ARSG: variants seen among roughly 807,000 people sequenced by gnomAD.
ARSG encodes ASG.
ARSG carries 37 observed loss-of-function variants against 50.5 expected under a neutral mutation model. The observed-to-expected ratio is 0.73, with a 90% CI of 0.56 to 0.96. ARSG has a LOEUF of 0.96. Ranked by LOEUF, ARSG falls within the 50% of genes least tolerant of loss-of-function variation. The probability of loss-of-function intolerance (pLI) is 0.00; values close to 1 mark genes in which losing one functional copy is unlikely to be tolerated. For synonymous variants in ARSG, 225 were observed against 254.6 expected (o/e 0.88, Z 1.11); for missense variants, 629 against 675.3 (o/e 0.93, Z 0.76).
the ARSG span, among the ~76,000 whole-genome samples, chr17:68,431,613 T>C: frequency 3.4e-5 from 4 of 119,362 alleles, no homozygotes; most frequent in East Asian, 7.4e-4. Flanking sequence ...TGGACTGGTA[T>C]TGGTTGAAAG....
chr17:68,358,292 T>G (rs2079124052), intron 6 of ARSG, among the ~76,000 whole-genome samples: 1 of 152,064 alleles, frequency 6.6e-6, no homozygotes, highest in Non-Finnish European at 1.5e-5. Context: ...CTACCTGTAA[T>G]CCCAGTGCTT....
At chr17:68,330,983 G>GTC (rs1555774017) in intron 2 of ARSG, among the ~76,000 whole-genome samples, 2 of 89,374 alleles carry the variant, frequency 2.2e-5, no homozygotes, top group South Asian at 4.2e-4. Flanking sequence ...TTTTGCGGGG[G>GTC]GGGGGGGAGG....
chr17:68,259,961 A>G (rs1187361882), intron 1 of ARSG, among the ~76,000 whole-genome samples: 1 of 152,128 alleles, frequency 6.6e-6, no homozygotes, highest in Non-Finnish European at 1.5e-5. Context: ...TTCAAGCTGA[A>G]AGGGTGTATG....
chr17:68,265,752 T>G (rs55854647), intron 1 of ARSG, among the ~76,000 whole-genome samples: 17,854 of 135,448 alleles, frequency 0.13, 1,469 homozygotes, highest in East Asian at 0.35. Flanking sequence ...TAGTGTGTGT[T>G]GTTTTTTTTT....
chr17:68,430,688 T>C, the ARSG span, among the ~76,000 whole-genome samples: 161 of 152,274 alleles, frequency 1.1e-3, 1 homozygote, highest in African/African-American at 3.6e-3. Context: ...ATGGAGATCA[T>C]GCAAAGGGAC....
chr17:68,264,891 C>T (rs1377886591), intron 1 of ARSG, among the ~76,000 whole-genome samples: 7 of 151,928 alleles, frequency 4.6e-5, no homozygotes, highest in Admixed American at 2.0e-4. Flanking sequence ...TGGTGGCTCA[C>T]GCCTGTAATC....
At chr17:68,342,359 T>G (rs1186312616) in intron 2 of ARSG, among the ~76,000 whole-genome samples, 3 of 131,568 alleles carry the variant, frequency 2.3e-5, no homozygotes, top group South Asian at 2.3e-4. Flanking sequence ...TATGTATGTG[T>G]TTTTTTTTTT....
chr17:68,394,280 T>C (rs2081132798), intron 9 of ARSG, among the ~76,000 whole-genome samples: 1 of 152,118 alleles, frequency 6.6e-6, no homozygotes, highest in South Asian at 2.1e-4. Flanking sequence ...GGAAAAGTCA[T>C]TACATTTGTG....
At chr17:68,385,452 C>A (rs1164053833) in intron 9 of ARSG, among the ~76,000 whole-genome samples, 1 of 149,832 alleles carries the variant, frequency 6.7e-6, no homozygotes, top group Non-Finnish European at 1.5e-5. Flanking sequence ...TTGCTGAGGT[C>A]AGGAGTTTGA....
At chr17:68,310,474 T>C (rs2076807591) in intron 2 of ARSG, among the ~76,000 whole-genome samples, 1 of 152,196 alleles carries the variant, frequency 6.6e-6, no homozygotes, top group African/African-American at 2.4e-5. Flanking sequence ...TTGAAGTGTT[T>C]AGAAAACAGC....
At chr17:68,279,251 C>T (rs1488130981) in intron 1 of ARSG, among the ~76,000 whole-genome samples, 2 of 151,960 alleles carry the variant, frequency 1.3e-5, no homozygotes, top group Admixed American at 1.3e-4. Flanking sequence ...CACCTTCCAC[C>T]GAGTAAGTGT....
the ARSG span, among the ~76,000 whole-genome samples, chr17:68,431,100 TG>T: frequency 1.3e-5 from 2 of 152,228 alleles, no homozygotes; most frequent in African/African-American, 4.8e-5. Flanking sequence ...TGCTCCGGGC[TG>T]GGGTTTACAA....
intron 5 of ARSG, 148 bp downstream of exon 5, chr17:68,351,834 T>G: frequency 3.2e-6 from 2 of 623,852 alleles, no homozygotes; most frequent in Non-Finnish European, 2.9e-6. Flanking sequence ...AATTTAAATG[T>G]GTTATTTGCA....
At chr17:68,288,214 C>T (rs1473021093), upstream of ARSG, among the ~76,000 whole-genome samples, 2 of 151,946 alleles carry the variant, frequency 1.3e-5, no homozygotes, top group African/African-American at 4.8e-5. Context: ...GTTGGTCAGA[C>T]TGGTCTCAAA....
chr17:68,443,346 C>G, the ARSG span, among the ~76,000 whole-genome samples: 1 of 152,198 alleles, frequency 6.6e-6, no homozygotes, highest in Non-Finnish European at 1.5e-5. Context: ...CTCCTAACCT[C>G]AGGTGATCCA....
the ARSG span, among the ~76,000 whole-genome samples, chr17:68,441,656 G>A: frequency 6.6e-6 from 1 of 152,192 alleles, no homozygotes; most frequent in African/African-American, 2.4e-5. Flanking sequence ...GACAGAGAGG[G>A]CTGCGGAGTG....
At chr17:68,391,942 G>A (rs931299248) in intron 9 of ARSG, among the ~76,000 whole-genome samples, 8 of 152,212 alleles carry the variant, frequency 5.3e-5, no homozygotes, top group Admixed American at 3.3e-4. Context: ...TGTAGGTAGA[G>A]CCCTGGAGAG....
the ARSG span, chr17:68,450,688 T>C: frequency 1.3e-6 from 2 of 1,569,092 alleles, no homozygotes; most frequent in Admixed American, 1.9e-5. Flanking sequence ...TGGCTCCCGT[T>C]AGCAGAAGCT....
the ARSG span, among the ~76,000 whole-genome samples, chr17:68,434,374 G>T: frequency 3.9e-5 from 6 of 152,270 alleles, no homozygotes; most frequent in African/African-American, 1.4e-4. Context: ...CAGCATCTCG[G>T]CTTTCAGTTT....
Sources: allele counts gnomAD v4.1 joint callset (sites outside exome capture counted in the v4.1 genomes callset), GRCh38; gene constraint gnomAD v4.1.1; transcripts MANE v1.5; gene names NCBI Gene and HGNC (gene_info 2026-07-23, HGNC 2026-07-21).